Variants in TERB1 observed in about 807,000 individuals in gnomAD.
TERB1 encodes the protein telomere repeat binding bouquet formation protein 1.
In TERB1, 63 loss-of-function variants were observed where a neutral mutation model predicts 92.3. That is an observed-to-expected ratio of 0.68 (90% CI 0.56 to 0.84). The LOEUF is 0.84. Ranked by LOEUF, TERB1 falls within the 40% of genes least tolerant of loss-of-function variation. TERB1 has a pLI of 0.00. For synonymous variants in TERB1, 252 were observed against 283.9 expected (o/e 0.89, Z 1.13); for missense variants, 709 against 843.7 (o/e 0.84, Z 1.98).
chr16:66,788,054 C>G (rs911105360), intron 6 of TERB1, 115 bp downstream of exon 6: 8 of 800,344 alleles, frequency 1.0e-5, no homozygotes, highest in Non-Finnish European at 1.3e-5. Flanking sequence ...GAGCAAGACT[C>G]TGTCTCCAAA....
intron 10 of TERB1, 90 bp downstream of exon 10, chr16:66,778,773 T>C (rs2018589427): frequency 9.3e-7 from 1 of 1,072,610 alleles, no homozygotes; most frequent in Admixed American, 3.2e-5. Context: ...GTCTAAACCA[T>C]GTTACTATTC....
intron 5 of TERB1, among the ~76,000 whole-genome samples, chr16:66,789,017 C>CAAAAAAAAA (rs57876042): frequency 1.2e-3 from 80 of 68,124 alleles, no homozygotes; most frequent in African/African-American, 2.2e-3. Context: ...GGTATGGTAC[C>CAAAAAAAAA]AAAAAAAAAA....
intron 18 of TERB1, among the ~76,000 whole-genome samples, chr16:66,757,472 T>C (rs1273048018): frequency 6.6e-6 from 1 of 152,190 alleles, no homozygotes; most frequent in East Asian, 1.9e-4. Flanking sequence ...GATCTCCAAG[T>C]GCATGATGTT....
intron 5 of TERB1, among the ~76,000 whole-genome samples, chr16:66,789,881 T>G (rs1367066199): frequency 1.3e-5 from 2 of 151,824 alleles, no homozygotes; most frequent in African/African-American, 4.8e-5. Flanking sequence ...GGCTGATTAT[T>G]TGTATTTTTG....
At chr16:66,790,519 T>C in intron 5 of TERB1, 76 bp downstream of exon 5, 4 of 1,099,560 alleles carry the variant, frequency 3.6e-6, no homozygotes, top group South Asian at 2.0e-5. Context: ...AAATTAACTA[T>C]AAAATTAGTT....
chr16:66,795,978 G>A (rs991136768), intron 3 of TERB1, among the ~76,000 whole-genome samples: 17 of 152,050 alleles, frequency 1.1e-4, no homozygotes, highest in African/African-American at 3.9e-4. Flanking sequence ...TCAAACTCCT[G>A]GGCTCAAGTG....
rs573600666 is a variant in TERB1, at chr16:66,786,855, G to A, written c.401-570C>T. 3.3e-5 allele frequency among the ~76,000 whole-genome samples: 5 copies of A among 152,292 alleles called. No homozygotes were observed. In the South Asian group the frequency reaches 1.0e-3, roughly 32 times the overall value. On this transcript the variant is annotated intron_variant, in intron 6 of 18. Coordinates refer to ENST00000433154, the MANE Select transcript of TERB1 (RefSeq NM_001136505.2). ...TTCAAAGGATACAACCTGATGCCTC[G>A]CTTCCCTGAGGCTGCCCTACCCCCA...
intron 3 of TERB1, 103 bp downstream of exon 3, chr16:66,796,665 A>G: frequency 1.2e-6 from 1 of 856,508 alleles, no homozygotes; most frequent in Non-Finnish European, 1.9e-6. Flanking sequence ...AGTTATGTAA[A>G]TGGCTGAATG....
Position 66,778,995 on chromosome 16 carries a change from CG to C in TERB1, c.720del (p.Phe240LeufsTer34). 1 of 1,510,702 alleles carries C rather than the reference CG, an allele frequency of 6.6e-7. No individual in the cohort carries two copies. Among genetic ancestry groups the C allele is most frequent in the Non-Finnish European group, 8.9e-7 (1 of 1,117,360 alleles). The allele number at this position is 1,510,702 out of a possible 1,614,324, so 93.6% of individuals were successfully genotyped here. On this transcript the variant is annotated frameshift_variant, in exon 10 of 19. Transcript: ENST00000433154. LOFTEE classifies it high-confidence loss of function. The stretch of plus-strand genomic sequence containing the variant: ...AATACATCCAGTCCGCCCACAGATA[CG>C]AAGTATTTCTGAACATATGCTTAAA... ...LANNTYVQKYFVSVGGLDVLS... is the reference protein window; with the variant it reads ...LANNTYVQKYXVSVGGLDVLS...
chr16:66,764,292 G>A (rs1434532520), intron 16 of TERB1, among the ~76,000 whole-genome samples: 3 of 152,196 alleles, frequency 2.0e-5, no homozygotes, highest in Non-Finnish European at 4.4e-5. Flanking sequence ...AGCAGGGTTT[G>A]ATGAATAATG....
chr16:66,782,710 G>A (rs2018657568), intron 9 of TERB1, among the ~76,000 whole-genome samples: 1 of 152,170 alleles, frequency 6.6e-6, no homozygotes, highest in Non-Finnish European at 1.5e-5. Context: ...TTCCATGTAA[G>A]TTTTAGAAGC....
intron 2 of TERB1, chr16:66,800,282 C>T (rs952164376): frequency 6.6e-6 from 1 of 151,996 alleles, no homozygotes. Flanking sequence ...GGGAAGATCC[C>T]TTGAGCCCAG....
chr16:66,796,910 T>A, intron 2 of TERB1, 80 bp from the exon 3 acceptor site: 1 of 701,404 alleles, frequency 1.4e-6, no homozygotes, highest in Non-Finnish European at 2.3e-6. Flanking sequence ...GCGGGAAAAA[T>A]TGTTTTCCTG....
intron 15 of TERB1, 90 bp from the exon 16 acceptor site, chr16:66,767,600 C>A: frequency 3.0e-6 from 2 of 661,532 alleles, no homozygotes; most frequent in Non-Finnish European, 5.1e-6. Context: ...TTTTCATAAA[C>A]CTTAGCCTAG....
In TERB1 at chr16:66,759,595, C is replaced by T. The variant is rs373596813; in HGVS notation, c.1781-305G>A. Among the ~76,000 whole-genome samples, 24 of 151,368 alleles carry T rather than the reference C, an allele frequency of 1.6e-4. No homozygotes were observed. In the East Asian group the frequency reaches 3.1e-3, roughly 20 times the overall value. On this transcript the variant is annotated intron_variant, in intron 16 of 18. Transcript: ENST00000433154. ...TGGGTGGATCATGAGGTCAGGAGTTCGAGACCAGCCTGGCCAATATGGTGA... is the reference window on the plus strand; with the variant it reads ...TGGGTGGATCATGAGGTCAGGAGTTTGAGACCAGCCTGGCCAATATGGTGA...
chr16:66,779,678 G>A (rs570563613), intron 9 of TERB1, among the ~76,000 whole-genome samples: 1 of 152,108 alleles, frequency 6.6e-6, no homozygotes, highest in Middle Eastern at 3.4e-3. Flanking sequence ...TCTTTCAATA[G>A]AGTTATAAAG....
At chr16:66,789,059 C>T (rs1432325770) in intron 5 of TERB1, among the ~76,000 whole-genome samples, 16 of 140,796 alleles carry the variant, frequency 1.1e-4, no homozygotes, top group Admixed American at 1.1e-3. Flanking sequence ...CTAAGACTTA[C>T]TATTTGATAG....
chr16:66,781,770 T>C (rs1328265723), intron 9 of TERB1, among the ~76,000 whole-genome samples: 2 of 152,208 alleles, frequency 1.3e-5, no homozygotes, highest in Non-Finnish European at 2.9e-5. Context: ...TCCGCCTGTC[T>C]CGGCCTCCCA....
intron 8 of TERB1, 26 bp downstream of exon 8, chr16:66,785,988 T>C (rs1316682076): frequency 4.6e-6 from 7 of 1,530,800 alleles, no homozygotes; most frequent in Non-Finnish European, 6.2e-6. Flanking sequence ...TCTTTATTTT[T>C]ATATTTAAAC....
Sources: allele counts gnomAD v4.1 joint callset (sites outside exome capture counted in the v4.1 genomes callset), GRCh38; gene constraint gnomAD v4.1.1; transcripts MANE v1.5; gene names NCBI Gene and HGNC (gene_info 2026-07-23, HGNC 2026-07-21).